Variants in LXN observed in about 807,000 individuals in gnomAD.
LXN encodes the protein latexin, also known as MUM.
A neutral mutation model predicts 29.8 loss-of-function variants in LXN; 28 were observed. The observed-to-expected ratio is 0.94, with a 90% confidence interval of 0.70 to 1.29. The LOEUF is 1.29. Among genes scored for constraint, LXN ranks in the 50% most tolerant of loss-of-function variants. LXN has a pLI of 0.00. For missense variants in LXN, 227 were observed against 261.7 expected (o/e 0.87, Z 0.92); for synonymous variants, 77 against 89.6 (o/e 0.86, Z 0.80).
chr3:158,667,342 G>T (rs1156565930), intron 4 of LXN, among the ~76,000 whole-genome samples: 2 of 152,096 alleles, frequency 1.3e-5, no homozygotes, highest in Admixed American at 1.3e-4. Flanking sequence ...AGTTGTGGTG[G>T]CTACTTAAGA....
Position 158,672,618 on chromosome 3 carries a change from C to T in LXN, c.-140G>A. 3.1e-6 allele frequency: 3 copies of T among 979,420 alleles called. No individual in the cohort carries two copies. The highest frequency in any genetic ancestry group is 4.5e-6 in the Non-Finnish European group (3 of 672,564). The allele number at this position is 979,420 out of a possible 1,614,324, so 60.7% of individuals were successfully genotyped here. A position where few individuals can be genotyped will look rare whatever the true frequency, so the allele number is the denominator to read the frequency against. On this transcript the variant is annotated 5_prime_UTR_variant, in exon 1 of 6. Transcript: ENST00000264265. The stretch of plus-strand genomic sequence containing the variant: ...AGCTCCTTCAGTCAGTCTTCTTCCT[C>T]AGCTCCTTCCGACTCCGGAAGCTGC...
In LXN at chr3:158,672,448, A is replaced by C; in HGVS notation, c.31T>G (p.Ser11Ala). 1 of 1,613,944 alleles carries C rather than the reference A, an allele frequency of 6.2e-7. No homozygotes were observed. The highest frequency in any genetic ancestry group is 8.5e-7 in the Non-Finnish European group (1 of 1,179,924). MEIPPTNYPA[S>A]RAALVAQNYI... The stretch of plus-strand genomic sequence containing the variant: ...TTCTGTGCCACCAAGGCCGCCCTGG[A>C]GGCTGGGTAGTTGGTCGGCGGGATT... The change falls in exon 1 of 6, where the codon TCC becomes GCC. Residue 11 changes from serine to alanine, a missense_variant. Ser to Ala is a moderately conservative substitution (Grantham distance 99, BLOSUM62 1). Transcript: ENST00000264265.
chr3:158,672,235 A>T, intron 1 of LXN, 115 bp downstream of exon 1: 1 of 1,329,736 alleles, frequency 7.5e-7, no homozygotes, highest in Non-Finnish European at 1.0e-6. Flanking sequence ...GTCCTAAAAC[A>T]GAAGGTGGGT....
rs1724412989 is a variant in LXN at position 158,672,354 on chromosome 3, A to G, written c.125T>C (p.Met42Thr). 2 of 1,613,796 alleles carry G rather than the reference A, an allele frequency of 1.2e-6. No homozygotes were observed. The highest frequency in any genetic ancestry group is 1.7e-6 in the Non-Finnish European group (2 of 1,179,786). Residue 42 changes from methionine (M) to threonine (T), a missense_variant, in exon 1 of 6, where the codon ATG becomes ACG. Coordinates refer to ENST00000264265, the MANE Select transcript of LXN (RefSeq NM_020169.4). The stretch of plus-strand genomic sequence containing the variant: ...ACCACCCCCTGCTAAACTCACCTCC[A>G]TGCTGGCTTGTTTGACCTTCTGCAC... Reference protein sequence around the residue: ...FEVQKVKQASMEDIPGRGHKY... With the variant: ...FEVQKVKQASTEDIPGRGHKY...
In LXN at chr3:158,669,009, G is replaced by A. The variant is rs750338927; in HGVS notation, c.494C>T (p.Thr165Ile). Reference sequence around the variant, plus strand: ...GAAACTACTTACCACTTGCTTGACAGTTTGAATTTTTACCATTTTATACCA... The same window carrying A: ...GAAACTACTTACCACTTGCTTGACAATTTGAATTTTTACCATTTTATACCA... ...DTWYKMVKIQ[T>I]VKQVQRNDDF... The change falls in exon 4 of 6, where the codon ACT (threonine) becomes ATT (isoleucine). Residue 165 changes from threonine (T) to isoleucine (I), a missense_variant. Coordinates refer to ENST00000264265, the MANE Select transcript of LXN (RefSeq NM_020169.4). 9 of 1,611,080 alleles carry A rather than the reference G, an allele frequency of 5.6e-6. No homozygotes were observed. Among genetic ancestry groups the A allele is most frequent in the South Asian group, 1.1e-5 (1 of 90,418 alleles).
At chr3:158,670,837 G>T in intron 2 of LXN, 120 bp downstream of exon 2, 1 of 1,269,994 alleles carries the variant, frequency 7.9e-7, no homozygotes, top group South Asian at 2.0e-5. Context: ...GGGAGGCTGA[G>T]GTGGGAAGAT....
At chr3:158,670,102 T>G (rs1724134858) in intron 2 of LXN, among the ~76,000 whole-genome samples, 1 of 152,216 alleles carries the variant, frequency 6.6e-6, no homozygotes. Flanking sequence ...CTCAGATGCC[T>G]TTTAATGAAT....
In LXN at chr3:158,670,991, T is replaced by C. The variant is rs8455; in HGVS notation, c.158A>G (p.His53Arg). 806,376 of 1,522,880 alleles carry C rather than the reference T, an allele frequency of 0.53. 217,212 individuals are homozygous for C. The highest frequency in any genetic ancestry group is 0.71 in the African/African-American group (49,626 of 69,708). The allele number at this position is 1,522,880 out of a possible 1,614,324, so 94.3% of individuals were successfully genotyped here. Residue 53 changes from histidine to arginine, a missense_variant, in exon 2 of 6, where the codon CAC (histidine) becomes CGC (arginine). His to Arg is a conservative substitution (Grantham distance 29). Coordinates refer to ENST00000264265, the MANE Select transcript of LXN (RefSeq NM_020169.4). ...EDIPGRGHKYHLKFAVEEIIQ... is the reference protein window; with the variant it reads ...EDIPGRGHKYRLKFAVEEIIQ... ...AATTTCTTCAACAGCAAATTTAAGG[T>C]GATACTTATGTCCTCTTCCTGGAAT...
In LXN at chr3:158,672,523, C is replaced by T. The variant is rs1263107009; in HGVS notation, c.-45G>A. On this transcript the variant is annotated 5_prime_UTR_variant, in exon 1 of 6. Coordinates refer to ENST00000264265, the MANE Select transcript of LXN (RefSeq NM_020169.4). ...CAGGGCTTGGGCTACTCTGGCTTAA[C>T]GGGACCAGTAGCAGAGCGCCGCCCG... 6.2e-7 allele frequency: 1 copy of T among 1,610,030 alleles called. No homozygotes were observed. The highest frequency in any genetic ancestry group is 1.1e-5 in the South Asian group (1 of 90,786).
Position 158,667,132 on chromosome 3 carries a change from A to G in LXN, c.508-58T>C. 4 of 1,451,488 alleles carry G rather than the reference A, an allele frequency of 2.8e-6. No homozygotes were observed. In the South Asian group the frequency reaches 5.4e-5, roughly 19 times the overall value. The allele number at this position is 1,451,488 out of a possible 1,614,324, so 89.9% of individuals were successfully genotyped here. A position where few individuals can be genotyped will look rare whatever the true frequency, so the allele number is the denominator to read the frequency against. ...ACTTAATATCTTTGGCAAAAATTAC[A>G]TTTAATTTTGAAAATCATCTTTGAT... On this transcript the variant is annotated intron_variant, in intron 4 of 5. Transcript: ENST00000264265.
chr3:158,670,526 T>C (rs1468808173), intron 2 of LXN, among the ~76,000 whole-genome samples: 3 of 152,200 alleles, frequency 2.0e-5, no homozygotes, highest in Non-Finnish European at 4.4e-5. Context: ...ATAATTCATA[T>C]ACCTAGGAAT....
intron 2 of LXN, among the ~76,000 whole-genome samples, chr3:158,669,841 C>G (rs1286759384): frequency 6.6e-6 from 1 of 152,238 alleles, no homozygotes; most frequent in East Asian, 1.9e-4. Flanking sequence ...GTGTCATAAT[C>G]TTATGAATTC....
intron 4 of LXN, among the ~76,000 whole-genome samples, chr3:158,667,756 C>G (rs1723853803): frequency 6.6e-6 from 1 of 152,178 alleles, no homozygotes. Context: ...CTAATGCACT[C>G]CAGCCTGGGC....
Position 158,671,078 on chromosome 3 carries a change from T to A in LXN, c.130-59A>T. The A allele has an allele frequency of 2.9e-6, 4 of 1,402,464 alleles. No homozygotes were observed. The South Asian group carries it at 6.8e-5, about 24-fold the overall frequency. The allele number at this position is 1,402,464 out of a possible 1,614,324, so 86.9% of individuals were successfully genotyped here. A position where few individuals can be genotyped will look rare whatever the true frequency, so the allele number is the denominator to read the frequency against. On this transcript the variant is annotated intron_variant, in intron 1 of 5. Transcript: ENST00000264265. ...ATATTATAACAACATTATACTTGCATTGTTAGAAGTATGCATCTCATTTGG... is the reference window on the plus strand; with the variant it reads ...ATATTATAACAACATTATACTTGCAATGTTAGAAGTATGCATCTCATTTGG...
Position 158,672,507 on chromosome 3 carries a change from G to C in LXN, c.-29C>G, listed in dbSNP as rs1360857789. ...GGATGAGCAGTGACTTCAGGGCTTG[G>C]GCTACTCTGGCTTAACGGGACCAGT... On this transcript the variant is annotated 5_prime_UTR_variant, in exon 1 of 6. Transcript: ENST00000264265. 1.4e-5 allele frequency: 22 copies of C among 1,612,464 alleles called. No individual in the cohort carries two copies. Among genetic ancestry groups the C allele is most frequent in the Non-Finnish European group, 1.7e-5 (20 of 1,179,158 alleles).
chr3:158,671,159 G>A (rs1331338680), intron 1 of LXN, 140 bp from the exon 2 acceptor site: 6 of 1,186,880 alleles, frequency 5.1e-6, no homozygotes, highest in Non-Finnish European at 6.4e-6. Flanking sequence ...AAAAAGGCAT[G>A]TCACCATGAA....
At chr3:158,668,482 C>G (rs1723936682) in intron 4 of LXN, among the ~76,000 whole-genome samples, 1 of 152,098 alleles carries the variant, frequency 6.6e-6, no homozygotes, top group South Asian at 2.1e-4. Flanking sequence ...TTCTGTCTTG[C>G]TGCTACTAAT....
chr3:158,669,512 C>T lies in LXN; in HGVS notation c.291G>A (p.Lys97=). 7.4e-6 allele frequency: 12 copies of T among 1,613,906 alleles called. No homozygotes were observed. The highest frequency in any genetic ancestry group is 1.0e-5 in the Non-Finnish European group (12 of 1,179,864). ...ATGTGTTGTCTTCTTCATCTGGATT[C>T]TTTCCAGTTTCTCCTTCAAATGTGA... ...VNFTFEGETG[K]NPDEEDNTFY... Residue 97 remains lysine (K), a synonymous_variant, in exon 3 of 6, where the codon AAG becomes AAA. Transcript: ENST00000264265.
chr3:158,671,273 A>G (rs997653708), intron 1 of LXN, among the ~76,000 whole-genome samples: 2 of 152,248 alleles, frequency 1.3e-5, no homozygotes, highest in Non-Finnish European at 2.9e-5. Flanking sequence ...TTCAATCATC[A>G]AAAGACTTTA....
Sources: gnomAD v4.1 joint callset for allele counts (sites outside exome capture counted in the v4.1 genomes callset) on GRCh38, gnomAD v4.1.1 for gene constraint, MANE v1.5 for transcripts, NCBI Gene and HGNC (gene_info 2026-07-23, HGNC 2026-07-21) for gene names.